WDFY4: variants seen among roughly 807,000 people sequenced by gnomAD.
The protein encoded by WDFY4 is WD repeat- and FYVE domain-containing protein 4.
In WDFY4, 169 loss-of-function variants were observed where a neutral mutation model predicts 351.9. The observed-to-expected ratio is 0.48, with a 90% CI of 0.42 to 0.55. The LOEUF (loss-of-function observed/expected upper bound fraction) is 0.55. Among genes scored for constraint, WDFY4 ranks in the 20% least tolerant of loss-of-function variants. WDFY4 has a pLI of 0.00. For missense variants in WDFY4, 3,803 were observed against 3,935.6 expected (o/e 0.97, Z 0.90); for synonymous variants, 1,622 against 1,574.6 (o/e 1.03, Z -0.71).
intron 12 of WDFY4, among the ~76,000 whole-genome samples, chr10:48,756,184 A>T (rs974220474): frequency 1.3e-5 from 2 of 152,038 alleles, no homozygotes; most frequent in Non-Finnish European, 2.9e-5. Context: ...CTGTTTATTT[A>T]GGTCTTTGAT....
In WDFY4 at chr10:48,805,977, C is replaced by T. The variant is rs778252575; in HGVS notation, c.4647-27C>T. ...GGACTCAGTTGAGCCCGCCTGCGAGCCTGTCCTTCTCTCCCTGTGTATAAA... is the reference window on the plus strand; with the variant it reads ...GGACTCAGTTGAGCCCGCCTGCGAGTCTGTCCTTCTCTCCCTGTGTATAAA... On this transcript the variant is annotated intron_variant, in intron 26 of 61. Coordinates refer to ENST00000325239, the MANE Select transcript of WDFY4 (RefSeq NM_001394531.1). The T allele has an allele frequency of 5.8e-6, 9 of 1,549,622 alleles. No homozygotes were observed. In the African/African-American group the frequency reaches 1.2e-4, roughly 21 times the overall value.
chr10:48,739,149 G>A (rs893723296), intron 11 of WDFY4, among the ~76,000 whole-genome samples: 1 of 152,084 alleles, frequency 6.6e-6, no homozygotes, highest in African/African-American at 2.4e-5. Context: ...TTACCTCACC[G>A]GTATTCCACC....
At chr10:48,775,619 C>G in intron 14 of WDFY4, 93 bp from the exon 15 acceptor site, 1 of 1,225,792 alleles carries the variant, frequency 8.2e-7, no homozygotes, top group South Asian at 1.3e-5. Flanking sequence ...GGTCAGGGAG[C>G]TCCAGGCATC....
intron 60 of WDFY4, chr10:48,980,178 C>T (rs1842750710): frequency 1.3e-5 from 2 of 152,158 alleles, no homozygotes; most frequent in African/African-American, 4.8e-5. Flanking sequence ...GACAGGATGA[C>T]ATGGACATAT....
chr10:48,821,040 C>T, intron 33 of WDFY4, 22 bp from the exon 34 acceptor site: 1 of 1,533,132 alleles, frequency 6.5e-7, no homozygotes, highest in South Asian at 1.2e-5. Flanking sequence ...GTTGCTGTCT[C>T]AGTCCCGGGC....
intron 19 of WDFY4, among the ~76,000 whole-genome samples, chr10:48,782,358 G>T (rs1034641199): frequency 6.6e-6 from 1 of 152,168 alleles, no homozygotes; most frequent in Non-Finnish European, 1.5e-5. Context: ...TGAACTTGGC[G>T]CAGGGGCTGA....
intron 23 of WDFY4, among the ~76,000 whole-genome samples, chr10:48,795,491 GTATATATATATATATATATATATATA>G (rs60705301): frequency 2.0e-5 from 2 of 101,240 alleles, no homozygotes; most frequent in African/African-American, 9.1e-5. Flanking sequence ...GTGTGTGTCT[GTATATATATATATATATATATATATA>G]TATATACATA....
intron 27 of WDFY4, among the ~76,000 whole-genome samples, chr10:48,807,605 T>C (rs2067303398): frequency 1.3e-5 from 2 of 152,244 alleles, no homozygotes; most frequent in African/African-American, 2.4e-5. Context: ...TTTCCTTTAT[T>C]ATTTTTAGGA....
At chr10:48,756,176 G>A (rs370003914) in intron 12 of WDFY4, among the ~76,000 whole-genome samples, 2 of 152,022 alleles carry the variant, frequency 1.3e-5, no homozygotes, top group Middle Eastern at 3.4e-3. Context: ...GTGCTTTTCT[G>A]TTTATTTAGG....
intron 14 of WDFY4, among the ~76,000 whole-genome samples, chr10:48,774,973 G>T (rs1229320009): frequency 1.3e-5 from 2 of 151,776 alleles, no homozygotes; most frequent in African/African-American, 2.4e-5. Flanking sequence ...AGGGAACTGG[G>T]CCTGGAAGGC....
intron 36 of WDFY4, 70 bp from the exon 37 acceptor site, chr10:48,828,708 A>T (rs1354461631): frequency 2.2e-6 from 2 of 904,116 alleles, no homozygotes; most frequent in Non-Finnish European, 3.3e-6. Context: ...ATTTGTAATA[A>T]AGAACAATAG....
At chr10:48,765,898 A>G (rs1007235562) in intron 13 of WDFY4, among the ~76,000 whole-genome samples, 1 of 152,254 alleles carries the variant, frequency 6.6e-6, no homozygotes, top group East Asian at 1.9e-4. Flanking sequence ...GCCTGGCAAG[A>G]CACAGAGAAG....
chr10:48,957,435 A>T (rs972153624), intron 52 of WDFY4, among the ~76,000 whole-genome samples, 153 bp downstream of exon 52: 9 of 152,138 alleles, frequency 5.9e-5, no homozygotes, highest in Admixed American at 1.3e-4. Context: ...CAGTGCCCAG[A>T]AGGAAAGGTG....
At chr10:48,786,896 T>G (rs1025880289) in intron 20 of WDFY4, 26 bp downstream of exon 20, 1 of 1,534,622 alleles carries the variant, frequency 6.5e-7, no homozygotes, top group Non-Finnish European at 8.8e-7. Context: ...ATTTACAATG[T>G]TCTTGCTGAT....
chr10:48,704,908 C>T (rs1435068580), intron 1 of WDFY4, among the ~76,000 whole-genome samples: 2 of 152,222 alleles, frequency 1.3e-5, no homozygotes, highest in Admixed American at 1.3e-4. Context: ...TATGCATTCC[C>T]TTAATCCTAA....
At chr10:48,687,134 C>G (rs570894299) in intron 1 of WDFY4, among the ~76,000 whole-genome samples, 25 of 152,270 alleles carry the variant, frequency 1.6e-4, no homozygotes, top group Admixed American at 1.4e-3. Context: ...ACATCTTTTT[C>G]ATATGTTTAT....
chr10:48,955,039 T>A (rs910339961), intron 51 of WDFY4, among the ~76,000 whole-genome samples: 2 of 152,168 alleles, frequency 1.3e-5, no homozygotes, highest in African/African-American at 2.4e-5. Context: ...GAGACTACCA[T>A]CAGCATTCAT....
intron 57 of WDFY4, among the ~76,000 whole-genome samples, chr10:48,974,027 G>A (rs767056083): frequency 6.6e-6 from 1 of 152,150 alleles, no homozygotes; most frequent in Non-Finnish European, 1.5e-5. Flanking sequence ...TCAAAGTTGG[G>A]CACATGTGAG....
chr10:48,799,049 G>A (rs550620028), intron 24 of WDFY4, among the ~76,000 whole-genome samples: 2 of 152,132 alleles, frequency 1.3e-5, no homozygotes, highest in Non-Finnish European at 2.9e-5. Flanking sequence ...AAGTGCTGTG[G>A]CCATGCTCAG....
Sources: allele counts gnomAD v4.1 joint callset (sites outside exome capture counted in the v4.1 genomes callset), GRCh38; gene constraint gnomAD v4.1.1; transcripts MANE v1.5; gene names NCBI Gene and HGNC (gene_info 2026-07-23, HGNC 2026-07-21).